The following IGF2BP3 variants were observed in gnomAD, a reference collection of about 807,000 sequenced individuals.
IGF2BP3 encodes insulin like growth factor 2 mRNA binding protein 3, also known as insulin-like growth factor 2 mRNA-binding protein 3.
Under a neutral mutation model 73.8 loss-of-function variants are expected in IGF2BP3, and 9 were observed. That is an observed-to-expected ratio of 0.12 (90% CI 0.07 to 0.21). The LOEUF is 0.21. IGF2BP3 is among the 10% of genes least tolerant of loss of function. The probability of loss-of-function intolerance (pLI) is 1.00; values close to 1 mark genes in which losing one functional copy is unlikely to be tolerated. For missense variants in IGF2BP3, 542 were observed against 714.0 expected, an observed-to-expected ratio of 0.76 and a Z score of 2.75; for synonymous variants, 258 against 256.7, an observed-to-expected ratio of 1.01 and a Z score of -0.05.
At chr7:23,314,825 T>C (rs566856346) in intron 12 of IGF2BP3, among the ~76,000 whole-genome samples, 1 of 152,188 alleles carries the variant, frequency 6.6e-6, no homozygotes, top group South Asian at 2.1e-4. Context: ...TGAGACAGAG[T>C]CTCACCCTGT....
chr7:23,376,069 G>C (rs142496447), intron 3 of IGF2BP3, among the ~76,000 whole-genome samples: 1 of 152,230 alleles, frequency 6.6e-6, no homozygotes, highest in Non-Finnish European at 1.5e-5. Flanking sequence ...ACATGATTTG[G>C]TAAAACTGAC....
Position 23,351,508 on chromosome 7 carries a change from G to T in IGF2BP3, c.480C>A (p.Ala160=). Residue 160 remains alanine (A), a synonymous_variant, in exon 6 of 15, where the codon GCC becomes GCA. Coordinates refer to ENST00000258729, the MANE Select transcript of IGF2BP3 (RefSeq NM_006547.3). ...KVAYIPDEMA[A]QQNPLQQPRG... is the part of the protein sequence containing the mutation. ...GGGGCTGCTGCAAGGGGTTTTGCTG[G>T]GCGGCCATTTCATCAGGGATATAGG... 6.2e-7 allele frequency: 1 copy of T among 1,614,026 alleles called. No homozygotes were observed. Among genetic ancestry groups the T allele is most frequent in the Non-Finnish European group, 8.5e-7 (1 of 1,180,008 alleles).
intron 10 of IGF2BP3, among the ~76,000 whole-genome samples, chr7:23,325,294 C>T (rs948130628): frequency 6.6e-6 from 1 of 151,918 alleles, no homozygotes; most frequent in Non-Finnish European, 1.5e-5. Flanking sequence ...AAACAGAGAG[C>T]CAAATCATGA....
At chr7:23,325,552 C>T (rs146953454) in intron 10 of IGF2BP3, among the ~76,000 whole-genome samples, 5,973 of 152,266 alleles carry the variant, frequency 0.039, 186 homozygotes, top group South Asian at 0.11. Context: ...TGACTTTCTT[C>T]ACAGAACTGG....
At chr7:23,401,601 C>T (rs1335408497) in intron 3 of IGF2BP3, among the ~76,000 whole-genome samples, 6 of 151,916 alleles carry the variant, frequency 3.9e-5, no homozygotes, top group Non-Finnish European at 7.4e-5. Context: ...CCTGTCTCTA[C>T]TAAAAATACA....
intron 2 of IGF2BP3, among the ~76,000 whole-genome samples, chr7:23,423,091 A>G (rs920214802): frequency 2.6e-5 from 4 of 152,202 alleles, no homozygotes; most frequent in Non-Finnish European, 4.4e-5. Flanking sequence ...TTAGCGTTTG[A>G]TATCTAGAAT....
chr7:23,369,061 A>T (rs1448726089), intron 3 of IGF2BP3, among the ~76,000 whole-genome samples: 1 of 152,192 alleles, frequency 6.6e-6, no homozygotes, highest in Non-Finnish European at 1.5e-5. Flanking sequence ...AGTATTATTG[A>T]TCACTTCTTG....
chr7:23,323,856 T>C (rs1362689386), intron 10 of IGF2BP3, among the ~76,000 whole-genome samples: 1 of 151,852 alleles, frequency 6.6e-6, no homozygotes, highest in Non-Finnish European at 1.5e-5. Context: ...GAAATAAAGA[T>C]GTTCTTTGAA....
chr7:23,346,924 A>G (rs1213461507), intron 7 of IGF2BP3, among the ~76,000 whole-genome samples: 1 of 152,078 alleles, frequency 6.6e-6, no homozygotes, highest in Non-Finnish European at 1.5e-5. Context: ...TTCTTCTTTA[A>G]AATTTTTACT....
intron 3 of IGF2BP3, among the ~76,000 whole-genome samples, chr7:23,363,858 C>T (rs947260435): frequency 6.6e-6 from 1 of 152,222 alleles, no homozygotes; most frequent in African/African-American, 2.4e-5. Context: ...ATGTTGATCA[C>T]AGACACATTT....
chr7:23,444,885 T>TA (rs1404828944), intron 2 of IGF2BP3, among the ~76,000 whole-genome samples: 2 of 151,974 alleles, frequency 1.3e-5, no homozygotes, highest in African/African-American at 4.8e-5. Flanking sequence ...TTGAGCAACA[T>TA]AGAGTTCCCA....
intron 2 of IGF2BP3, among the ~76,000 whole-genome samples, chr7:23,452,483 C>T (rs1373101279): frequency 6.6e-6 from 1 of 152,076 alleles, no homozygotes; most frequent in East Asian, 1.9e-4. Flanking sequence ...AATAGTTGAA[C>T]ATTAAAGTGC....
chr7:23,384,059 G>C (rs1786002021), intron 3 of IGF2BP3, among the ~76,000 whole-genome samples: 2 of 135,794 alleles, frequency 1.5e-5, no homozygotes, highest in Non-Finnish European at 1.5e-5. Context: ...TTGTGCCACT[G>C]CACTCCAGCC....
intron 3 of IGF2BP3, among the ~76,000 whole-genome samples, chr7:23,398,540 G>C (rs1315043215): frequency 2.0e-5 from 3 of 152,306 alleles, no homozygotes; most frequent in African/African-American, 7.2e-5. Flanking sequence ...CAGTGTAACA[G>C]TGTTCCTATT....
rs183662951 is a variant in IGF2BP3 at position 23,451,311 on chromosome 7, G to A, written c.236+17171C>T. Reference sequence around the variant, plus strand: ...TGCATGCCTGTAGTCCCAGCTACTCGGGAGGCTGAGGCAGGAGAATCGCTT... The same window carrying A: ...TGCATGCCTGTAGTCCCAGCTACTCAGGAGGCTGAGGCAGGAGAATCGCTT... On this transcript the variant is annotated intron_variant, in intron 2 of 14. Coordinates refer to ENST00000258729, the MANE Select transcript of IGF2BP3 (RefSeq NM_006547.3). Among the ~76,000 whole-genome samples the A allele has an allele frequency of 4.6e-3, 695 of 151,844 alleles. 1 individual carries two copies. The highest frequency in any genetic ancestry group is 7.1e-3 in the Non-Finnish European group (484 of 67,994).
intron 2 of IGF2BP3, chr7:23,450,831 A>C (rs961427594): frequency 6.6e-6 from 1 of 152,240 alleles, no homozygotes; most frequent in African/African-American, 2.4e-5. Context: ...CTTGAAGCCC[A>C]GGAGATCAAG....
chr7:23,347,491 A>G (rs77340587), intron 7 of IGF2BP3, 109 bp downstream of exon 7: 62,219 of 1,146,820 alleles, frequency 0.054, 2,044 homozygotes, highest in Non-Finnish European at 0.066. Flanking sequence ...GCTCATCAGG[A>G]TATCATTTCC....
intron 2 of IGF2BP3, among the ~76,000 whole-genome samples, chr7:23,461,012 G>T (rs970663897): frequency 2.0e-5 from 3 of 152,038 alleles, no homozygotes; most frequent in Non-Finnish European, 4.4e-5. Flanking sequence ...AATTCTGAAA[G>T]AAAGGTTACA....
At chr7:23,348,750 A>G (rs1237447261) in intron 6 of IGF2BP3, among the ~76,000 whole-genome samples, 1 of 152,194 alleles carries the variant, frequency 6.6e-6, no homozygotes, top group Non-Finnish European at 1.5e-5. Context: ...CCAAATGTCT[A>G]CGGGGGTTGG....
Sources: gnomAD v4.1 joint callset for allele counts (sites outside exome capture counted in the v4.1 genomes callset) on GRCh38, gnomAD v4.1.1 for gene constraint, MANE v1.5 for transcripts, NCBI Gene and HGNC (gene_info 2026-07-23, HGNC 2026-07-21) for gene names.